HMGCS2: variants seen among roughly 807,000 people sequenced by gnomAD.
The protein encoded by HMGCS2 is 3-hydroxy-3-methylglutaryl-CoA synthase 2.
A neutral mutation model predicts 57.4 loss-of-function variants in HMGCS2; 50 were observed. That is an observed-to-expected ratio of 0.87 (90% CI 0.69 to 1.10). The LOEUF (loss-of-function observed/expected upper bound fraction) is 1.10, where lower values mean the gene tolerates loss of function less well. Among genes scored for constraint, HMGCS2 ranks in the 50% least tolerant of loss-of-function variants. The pLI is 0.00. For missense variants in HMGCS2, 627 were observed against 636.5 expected, an observed-to-expected ratio of 0.99 and a Z score of 0.16; for synonymous variants, 254 against 245.1, an observed-to-expected ratio of 1.04 and a Z score of -0.34.
rs749385127 is a variant in HMGCS2 at position 119,752,515 on chromosome 1, G to GTC, written c.1420+32_1420+33dup. The stretch of plus-strand genomic sequence containing the variant: ...CCTGGCTCCCAGCTACTGGAATGGG[G>GTC]TCTCTCTTCCTCTCTTCCTGACTTT... On this transcript the variant is annotated intron_variant, in intron 8 of 9. Transcript: ENST00000369406. The GTC allele has an allele frequency of 1.9e-6, 3 of 1,610,982 alleles. No homozygotes were observed. In the African/African-American group the frequency reaches 4.0e-5, roughly 22 times the overall value.
chr1:119,761,795 G>T (rs747686816), intron 2 of HMGCS2, among the ~76,000 whole-genome samples: 9 of 151,812 alleles, frequency 5.9e-5, no homozygotes, highest in Admixed American at 5.9e-4. Flanking sequence ...ATAAAAAAAG[G>T]CAAGCTATAT....
chr1:119,761,821 AT>A (rs1385421510), intron 2 of HMGCS2, among the ~76,000 whole-genome samples: 1 of 152,198 alleles, frequency 6.6e-6, no homozygotes, highest in African/African-American at 2.4e-5. Context: ...AAAAAGGCCA[AT>A]AAACAACATA....
chr1:119,762,756 T>G (rs1248366307), intron 2 of HMGCS2, among the ~76,000 whole-genome samples: 2 of 152,250 alleles, frequency 1.3e-5, no homozygotes, highest in Non-Finnish European at 2.9e-5. Flanking sequence ...TTTCAATAAC[T>G]TGTTTTTTAA....
intron 9 of HMGCS2, among the ~76,000 whole-genome samples, chr1:119,750,242 A>G (rs910598514): frequency 2.6e-5 from 4 of 152,140 alleles, no homozygotes; most frequent in African/African-American, 9.7e-5. Context: ...GGTGTGTACC[A>G]TTTCTGAGGT....
rs768676776 is a variant in HMGCS2 at position 119,753,298 on chromosome 1, A to T, written c.1276T>A (p.Ser426Thr). The T allele has an allele frequency of 3.7e-6, 6 of 1,611,842 alleles. No homozygotes were observed. The highest frequency in any genetic ancestry group is 5.1e-6 in the Non-Finnish European group (6 of 1,178,096). ...CACTCACCTGGAGCAGCATCCTGGGATACTCGAAATGAAAAGAAACTTGCT... is the reference window on the plus strand; with the variant it reads ...CACTCACCTGGAGCAGCATCCTGGGTTACTCGAAATGAAAAGAAACTTGCT... ...LAASFFSFRVSQDAAPGSPLD... is the reference protein window; with the variant it reads ...LAASFFSFRVTQDAAPGSPLD... Residue 426 changes from serine to threonine, a missense_variant, in exon 7 of 10, where the codon TCC (serine) becomes ACC (threonine). Physicochemically the swap from Ser to Thr is moderately conservative, Grantham distance 58. Transcript: ENST00000369406.
Position 119,750,853 on chromosome 1 carries a change from C to G in HMGCS2, c.1476G>C (p.Leu492=). 6.2e-7 allele frequency: 1 copy of G among 1,614,096 alleles called. No homozygotes were observed. The highest frequency in any genetic ancestry group is 8.5e-7 in the Non-Finnish European group (1 of 1,179,984). ...GGCGATGCTGCTCGTCCACTCGCTC[C>G]AGGTACCAAGTACCTGGGAAAAGGC... ...TNSLFPGTWY[L]ERVDEQHRRK... is the part of the protein sequence containing the mutation. Residue 492 remains leucine (L), a synonymous_variant, in exon 9 of 10, where the codon CTG becomes CTC. Coordinates refer to ENST00000369406, the MANE Select transcript of HMGCS2 (RefSeq NM_005518.4).
intron 9 of HMGCS2, 80 bp downstream of exon 9, chr1:119,750,717 C>A: frequency 1.1e-6 from 1 of 875,640 alleles, no homozygotes; most frequent in Non-Finnish European, 1.9e-6. Context: ...CTGCACCTGT[C>A]CCCACCTTCT....
At chr1:119,755,167 C>T (rs973751530) in intron 6 of HMGCS2, among the ~76,000 whole-genome samples, 2 of 152,172 alleles carry the variant, frequency 1.3e-5, no homozygotes, top group South Asian at 4.1e-4. Flanking sequence ...CACGTGCACA[C>T]AACCATGCTC....
At position 119,752,548 on chromosome 1, in the gene HMGCS2, C is replaced by G; in HGVS notation, c.1420+1G>C. 3 of 1,613,892 alleles carry G rather than the reference C, an allele frequency of 1.9e-6. No homozygotes were observed. The highest frequency in any genetic ancestry group is 8.5e-7 in the Non-Finnish European group (1 of 1,179,860). ...TCCTCTCTTCCTGACTTTTTTCTTA[C>G]CCTTATGGTAGAATTGCTCTCTTTG... On this transcript the variant is annotated splice_donor_variant, in intron 8 of 9. Coordinates refer to ENST00000369406, the MANE Select transcript of HMGCS2 (RefSeq NM_005518.4). LOFTEE classifies it high-confidence loss of function.
chr1:119,761,756 C>T (rs1005759678), intron 2 of HMGCS2, among the ~76,000 whole-genome samples: 7 of 151,374 alleles, frequency 4.6e-5, no homozygotes, highest in African/African-American at 1.7e-4. Context: ...CAGATCGAGA[C>T]TCTGTCTAAA....
intron 1 of HMGCS2, among the ~76,000 whole-genome samples, chr1:119,765,270 A>AC (rs1557994631): frequency 6.6e-6 from 1 of 151,948 alleles, no homozygotes; most frequent in East Asian, 1.9e-4. Flanking sequence ...CACCACGCCC[A>AC]GCTAATTTTT....
At chr1:119,755,378 G>A (rs770575032) in intron 6 of HMGCS2, 49 bp downstream of exon 6, 29 of 1,576,890 alleles carry the variant, frequency 1.8e-5, no homozygotes, top group Non-Finnish European at 2.3e-5. Flanking sequence ...CCACGGGGGC[G>A]GAGGCTGAGG....
intron 1 of HMGCS2, 36 bp from the exon 2 acceptor site, chr1:119,764,662 G>T (rs755903114): frequency 1.4e-6 from 2 of 1,468,742 alleles, no homozygotes; most frequent in Non-Finnish European, 9.5e-7. Context: ...CCCACTAATG[G>T]TCTGTAGACA....
At chr1:119,766,260 C>T (rs1653224586) in intron 1 of HMGCS2, among the ~76,000 whole-genome samples, 1 of 152,222 alleles carries the variant, frequency 6.6e-6, no homozygotes, top group African/African-American at 2.4e-5. Flanking sequence ...AACCAAGGCA[C>T]ACACTGGTAA....
At chr1:119,754,778 T>G (rs1239058530) in intron 6 of HMGCS2, among the ~76,000 whole-genome samples, 1 of 152,218 alleles carries the variant, frequency 6.6e-6, no homozygotes, top group Non-Finnish European at 1.5e-5. Flanking sequence ...CAGACCCATT[T>G]AACCACCATG....
Position 119,752,473 on chromosome 1 carries a change from A to G in HMGCS2, c.1420+76T>C. 3 of 1,521,740 alleles carry G rather than the reference A, an allele frequency of 2.0e-6. No individual in the cohort carries two copies. In the South Asian group the frequency reaches 3.4e-5, roughly 17 times the overall value. 94.3% of individuals were successfully genotyped at this position (1,521,740 alleles called of 1,614,324 possible). On this transcript the variant is annotated intron_variant, in intron 8 of 9. Coordinates refer to ENST00000369406, the MANE Select transcript of HMGCS2 (RefSeq NM_005518.4). ...TCTTGACCCTGGACTACTAAATTCTAGATTTCCAAAGAAATCCCTGGCTCC... is the reference window on the plus strand; with the variant it reads ...TCTTGACCCTGGACTACTAAATTCTGGATTTCCAAAGAAATCCCTGGCTCC...
Position 119,758,801 on chromosome 1 carries a change from C to T in HMGCS2, c.850+317G>A, listed in dbSNP as rs587702647. ...ACCAGAAACAAATGCCAACCACTGT[C>T]GAATGTGACTGCCCAGCCTCTTAAC... On this transcript the variant is annotated intron_variant, in intron 4 of 9. Coordinates refer to ENST00000369406, the MANE Select transcript of HMGCS2 (RefSeq NM_005518.4). Among the ~76,000 whole-genome samples the T allele has an allele frequency of 3.9e-5, 6 of 152,332 alleles. No homozygotes were observed. The South Asian group carries it at 1.2e-3, about 32-fold the overall frequency.
intron 5 of HMGCS2, among the ~76,000 whole-genome samples, chr1:119,755,909 ATATT>A (rs145794713): frequency 3.3e-5 from 5 of 151,248 alleles, no homozygotes; most frequent in African/African-American, 7.3e-5. Context: ...ATATATATAT[ATATT>A]TTTTTTCCAT....
At chr1:119,760,492 C>G (rs760447673) in intron 2 of HMGCS2, among the ~76,000 whole-genome samples, 1 of 152,274 alleles carries the variant, frequency 6.6e-6, no homozygotes, top group African/African-American at 2.4e-5. Flanking sequence ...AGTGTAAGGT[C>G]ACATAGCTAG....
Sources: allele counts gnomAD v4.1 joint callset (sites outside exome capture counted in the v4.1 genomes callset), GRCh38; gene constraint gnomAD v4.1.1; transcripts MANE v1.5; gene names NCBI Gene and HGNC (gene_info 2026-07-23, HGNC 2026-07-21).